The following CFAP46 variants were observed in gnomAD, a reference collection of about 807,000 sequenced individuals.
The protein encoded by CFAP46 is cilia and flagella associated protein 46.
Under a neutral mutation model 325.7 loss-of-function variants are expected in CFAP46, and 245 were observed. The ratio of observed to expected loss-of-function variants is 0.75; its 90% CI spans 0.68 to 0.84. CFAP46 has a LOEUF of 0.84. CFAP46 is among the 40% of genes least tolerant of loss of function. CFAP46 has a pLI of 0.00. For missense variants in CFAP46, 3,346 were observed against 3,543.0 expected, an observed-to-expected ratio of 0.94 and a Z score of 1.41; for synonymous variants, 1,523 against 1,495.9, an observed-to-expected ratio of 1.02 and a Z score of -0.42.
intron 50 of CFAP46, among the ~76,000 whole-genome samples, chr10:132,819,766 A>G (rs1847760217): frequency 6.6e-6 from 1 of 152,254 alleles, no homozygotes; most frequent in Non-Finnish European, 1.5e-5. Flanking sequence ...GCTTAAATGT[A>G]AGACCTGAAA....
At position 132,919,314 on chromosome 10, in the gene CFAP46, C is replaced by G; in HGVS notation, c.1858+1G>C. 2.6e-6 allele frequency: 4 copies of G among 1,549,350 alleles called. No individual in the cohort carries two copies. The highest frequency in any genetic ancestry group is 3.5e-6 in the Non-Finnish European group (4 of 1,146,462). Reference sequence around the variant, plus strand: ...ACACACTCGTGAGGGCGGGTACGAACCTCGCCGCAGCCTCAACTTCTTCAC... The same window carrying G: ...ACACACTCGTGAGGGCGGGTACGAAGCTCGCCGCAGCCTCAACTTCTTCAC... On this transcript the variant is annotated splice_donor_variant, in intron 15 of 57. Coordinates refer to ENST00000368586, the MANE Select transcript of CFAP46 (RefSeq NM_001200049.3). LOFTEE classifies it high-confidence loss of function. This position sits in a 1 kb window ranked among gnomAD's most constrained non-coding sequence, Gnocchi z 9.7.
intron 24 of CFAP46, 146 bp from the exon 25 acceptor site, chr10:132,892,563 A>G (rs940462636): frequency 1.5e-6 from 1 of 678,184 alleles, no homozygotes; most frequent in Admixed American, 3.0e-5. Flanking sequence ...TTAACCTGAC[A>G]ATGTTGTACC....
intron 57 of CFAP46, among the ~76,000 whole-genome samples, chr10:132,809,579 T>C (rs1239572729): frequency 6.6e-6 from 1 of 152,204 alleles, no homozygotes; most frequent in Non-Finnish European, 1.5e-5. Context: ...CGGTGGATAC[T>C]GAAGGCCTCT....
rs140070146 is a variant in CFAP46 at position 132,808,578 on chromosome 10, G to A, written c.7991C>T (p.Ser2664Leu). 5.0e-6 allele frequency: 8 copies of A among 1,612,814 alleles called. No individual in the cohort carries two copies. Among genetic ancestry groups the A allele is most frequent in the South Asian group, 2.2e-5 (2 of 91,074 alleles). ...ATSRKAAAWT[S>L]SSACLCAPWG... ...TGGCGCACACAGGCAGGCAGAGCTC[G>A]AGGTCCAGGCGGCTGCCTTGCGGGA... The change falls in exon 58 of 58, where the codon TCG (serine) becomes TTG (leucine). Residue 2664 changes from serine to leucine, a missense_variant. By Grantham distance (145) the Ser-to-Leu change is moderately radical (BLOSUM62 -2). Coordinates refer to ENST00000368586, the MANE Select transcript of CFAP46 (RefSeq NM_001200049.3). This position sits in a 1 kb window ranked among gnomAD's most constrained non-coding sequence, Gnocchi z 6.8.
chr10:132,857,783 C>G lies in CFAP46; in HGVS notation c.5381G>C (p.Arg1794Pro). ...KLERAKIKRL[R>P]AQNEKDEEQK... ...TTCTTCATCTTTCTCGTTCTGGGCACGTAACCTTTATAAGACATAAGAATG... is the reference window on the plus strand; with the variant it reads ...TTCTTCATCTTTCTCGTTCTGGGCAGGTAACCTTTATAAGACATAAGAATG... Residue 1794 changes from arginine (R) to proline (P), a missense_variant, in exon 39 of 58, where the codon CGT (arginine) becomes CCT (proline). Arg to Pro is a moderately radical substitution (Grantham distance 103). Transcript: ENST00000368586. 1 of 1,537,730 alleles carries G rather than the reference C, an allele frequency of 6.5e-7. No individual in the cohort carries two copies. The highest frequency in any genetic ancestry group is 8.7e-7 in the Non-Finnish European group (1 of 1,143,042).
intron 28 of CFAP46, among the ~76,000 whole-genome samples, chr10:132,879,934 C>G (rs1849013691): frequency 6.6e-6 from 1 of 151,874 alleles, no homozygotes; most frequent in Admixed American, 6.6e-5. Flanking sequence ...ATGAGCTGCA[C>G]CTGGCCTGGG....
Position 132,847,207 on chromosome 10 carries a change from T to G in CFAP46, c.6067A>C (p.Arg2023=). The G allele has an allele frequency of 6.2e-7, 1 of 1,612,788 alleles. No homozygotes were observed. Among genetic ancestry groups the G allele is most frequent in the East Asian group, 2.2e-5 (1 of 44,840 alleles). ...CGCACCTTCAGGTCCTCGCCTCTCC[T>G]GCAGTGCTCCTCCGGGGCTGCCCTG... ...ASRAAPEEHC[R]RGEDLKRRMV... The change falls in exon 42 of 58, where the codon AGG becomes CGG. Residue 2023 remains arginine, a synonymous_variant. Coordinates refer to ENST00000368586, the MANE Select transcript of CFAP46 (RefSeq NM_001200049.3). This position sits in a 1 kb window ranked among gnomAD's most constrained non-coding sequence, Gnocchi z 5.2.
intron 5 of CFAP46, 113 bp downstream of exon 5, chr10:132,938,476 G>T: frequency 9.8e-7 from 1 of 1,017,622 alleles, no homozygotes; most frequent in Non-Finnish European, 1.5e-6. Flanking sequence ...CGCACATGGA[G>T]TGTGCCCCAG....
intron 10 of CFAP46, among the ~76,000 whole-genome samples, chr10:132,925,496 TC>T (rs1439521588): frequency 1.3e-5 from 2 of 152,318 alleles, no homozygotes; most frequent in East Asian, 3.9e-4. Context: ...CCCTCTGAGG[TC>T]CTCAGCAGGT....
At position 132,938,693 on chromosome 10, in the gene CFAP46, G is replaced by A. The variant is rs1850051029; in HGVS notation, c.432C>T (p.Leu144=). The change falls in exon 5 of 58, where the codon CTC becomes CTT. Residue 144 remains leucine (L), a synonymous_variant. Transcript: ENST00000368586. ...TCAGATGGTGACGATATCCAGGCTT[G>A]AGGAACGGCCTCACCATCTGCCAGT... ...VLYWQMVRPF[L]KPGYRHHLIP... is the part of the protein sequence containing the mutation. 1.2e-6 allele frequency: 2 copies of A among 1,613,640 alleles called. No homozygotes were observed.
chr10:132,858,795 A>G (rs1285397160), intron 38 of CFAP46, among the ~76,000 whole-genome samples: 2 of 152,066 alleles, frequency 1.3e-5, no homozygotes, highest in Non-Finnish European at 2.9e-5. Context: ...GCAAGGCCCA[A>G]TGTGGATGCC....
In CFAP46 at chr10:132,814,832, GC is replaced by G. The variant is rs1391322748; in HGVS notation, c.7188+11del. On this transcript the variant is annotated intron_variant, in intron 51 of 57. Transcript: ENST00000368586. ...CCACCAGCCCGATCCCCTATCACAGGCCCCCACCCACCTTCCTGCCCTTCTT... is the reference window on the plus strand; with the variant it reads ...CCACCAGCCCGATCCCCTATCACAGGCCCCACCCACCTTCCTGCCCTTCTT... 3 of 1,613,958 alleles carry G rather than the reference GC, an allele frequency of 1.9e-6. No individual in the cohort carries two copies. Among genetic ancestry groups the G allele is most frequent in the Non-Finnish European group, 2.5e-6 (3 of 1,179,970 alleles).
chr10:132,912,635 C>T lies in CFAP46; in HGVS notation c.2499+20G>A, dbSNP rs1204553257. The T allele has an allele frequency of 2.8e-6, 4 of 1,453,944 alleles. No individual in the cohort carries two copies. Among genetic ancestry groups the T allele is most frequent in the South Asian group, 2.4e-5 (2 of 81,910 alleles). 90.1% of individuals were successfully genotyped at this position (1,453,944 alleles called of 1,614,324 possible). A position where few individuals can be genotyped will look rare whatever the true frequency, so the allele number is the denominator to read the frequency against. The stretch of plus-strand genomic sequence containing the variant: ...TCTCTCTCTCTCTCTCTCTCTCTCT[C>T]GGCATCATGGAGGTGGTACCTCCAC... On this transcript the variant is annotated intron_variant, in intron 19 of 57. Transcript: ENST00000368586.
At position 132,884,792 on chromosome 10, in the gene CFAP46, C is replaced by G. The variant is rs1241721391; in HGVS notation, c.3627+311G>C. Among the ~76,000 whole-genome samples the G allele has an allele frequency of 6.6e-6, 1 of 152,120 alleles. No homozygotes were observed. Among genetic ancestry groups the G allele is most frequent in the Non-Finnish European group, 1.5e-5 (1 of 68,004 alleles). ...CACCCGCCCATCGGGGCCCTGGTGC[C>G]ACCAGGGGAGCCTGGGCGCTTCCAC... is the stretch of plus-strand genomic sequence containing the variant. On this transcript the variant is annotated intron_variant, in intron 27 of 57. Coordinates refer to ENST00000368586, the MANE Select transcript of CFAP46 (RefSeq NM_001200049.3). This position sits in a 1 kb window ranked among gnomAD's most constrained non-coding sequence, Gnocchi z 5.4.
chr10:132,937,932 G>A (rs1850034539), intron 5 of CFAP46, among the ~76,000 whole-genome samples: 2 of 152,132 alleles, frequency 1.3e-5, no homozygotes, highest in Admixed American at 1.3e-4. Context: ...TTCCCCAAAC[G>A]GCCATATGGC....
chr10:132,940,210 G>T (rs1026177649), intron 4 of CFAP46, among the ~76,000 whole-genome samples: 2 of 152,158 alleles, frequency 1.3e-5, no homozygotes, highest in African/African-American at 4.8e-5. Flanking sequence ...CAGACAAGCA[G>T]GCCGATGTGG....
chr10:132,927,965 A>C (rs537917942), intron 9 of CFAP46, among the ~76,000 whole-genome samples: 50 of 152,318 alleles, frequency 3.3e-4, no homozygotes, highest in African/African-American at 1.2e-3. Flanking sequence ...CTGGGGCCTG[A>C]GGGATGGGCA....
intron 8 of CFAP46, among the ~76,000 whole-genome samples, chr10:132,933,800 G>A (rs1459799464): frequency 6.6e-6 from 1 of 152,252 alleles, no homozygotes; most frequent in East Asian, 1.9e-4. Flanking sequence ...ACCGAGGCCT[G>A]AACCCACAGG....
intron 8 of CFAP46, among the ~76,000 whole-genome samples, chr10:132,930,601 A>C (rs113884658): frequency 2.9e-4 from 17 of 59,252 alleles, no homozygotes; most frequent in Admixed American, 6.5e-4. Context: ...GCCTCCCCAC[A>C]CTCCCCACAC....
Sources: allele counts gnomAD v4.1 joint callset (sites outside exome capture counted in the v4.1 genomes callset), GRCh38; gene constraint gnomAD v4.1.1; non-coding constraint Gnocchi (gnomAD v3.1); transcripts MANE v1.5; gene names NCBI Gene and HGNC (gene_info 2026-07-23, HGNC 2026-07-21).